The following GANC variants were observed in gnomAD, a reference collection of about 807,000 sequenced individuals.
GANC encodes neutral alpha-glucosidase C.
GANC carries 117 observed loss-of-function variants against 124.2 expected under a neutral mutation model. That is an observed-to-expected ratio of 0.94 (90% CI 0.81 to 1.10). GANC has a LOEUF of 1.10. Ranked by LOEUF, GANC falls within the 50% of genes least tolerant of loss-of-function variation. The probability of loss-of-function intolerance (pLI) is 0.00; values close to 1 mark genes in which losing one functional copy is unlikely to be tolerated. For synonymous variants in GANC, 377 were observed against 376.8 expected, an observed-to-expected ratio of 1.00 and a Z score of -0.01; for missense variants, 1,140 against 1,095.0, an observed-to-expected ratio of 1.04 and a Z score of -0.58.
chr15:42,312,690 G>C (rs994038274), intron 10 of GANC, among the ~76,000 whole-genome samples: 2 of 152,160 alleles, frequency 1.3e-5, no homozygotes, highest in Non-Finnish European at 2.9e-5. Flanking sequence ...CTGTAATCCT[G>C]CACTTTGGGA....
intron 2 of GANC, chr15:42,278,042 G>T: frequency 2.5e-6 from 1 of 398,138 alleles, no homozygotes; most frequent in South Asian, 1.8e-5. Context: ...AGCGTATTAT[G>T]TTAATTCTGA....
At chr15:42,297,800 G>T in intron 6 of GANC, 144 bp downstream of exon 6, 2 of 477,150 alleles carry the variant, frequency 4.2e-6, no homozygotes, top group South Asian at 4.6e-5. Flanking sequence ...TGTTTCTTCG[G>T]CTCACCTTGT....
chr15:42,349,399 A>G lies in GANC; in HGVS notation c.2435A>G (p.Glu812Gly), dbSNP rs778471567. ...ALSTKGSSVGELYLDDGHSFQ... is the reference protein window; with the variant it reads ...ALSTKGSSVGGLYLDDGHSFQ... ...ATTCTCCAGGGTTCTTCAGTGGGTG[A>G]GTTATATCTTGATGATGGCCATTCA... The change falls in exon 22 of 24, where the codon GAG (glutamate) becomes GGG (glycine). Residue 812 changes from glutamate to glycine, a missense_variant. Glu to Gly is a moderately conservative substitution (Grantham distance 98). Transcript: ENST00000318010. The G allele has an allele frequency of 6.2e-7, 1 of 1,609,786 alleles. No homozygotes were observed. The highest frequency in any genetic ancestry group is 8.5e-7 in the Non-Finnish European group (1 of 1,176,152).
intron 6 of GANC, among the ~76,000 whole-genome samples, chr15:42,301,466 T>C (rs557008464): frequency 2.5e-4 from 38 of 151,776 alleles, no homozygotes; most frequent in African/African-American, 8.5e-4. Context: ...TTTTTTTTTT[T>C]CATACCCCAG....
At chr15:42,322,927 G>C (rs1386861004) in intron 11 of GANC, among the ~76,000 whole-genome samples, 1 of 152,148 alleles carries the variant, frequency 6.6e-6, no homozygotes, top group African/African-American at 2.4e-5. Flanking sequence ...CCCTCTCCTT[G>C]AAAGTAAGGT....
intron 8 of GANC, among the ~76,000 whole-genome samples, chr15:42,308,624 C>T (rs968877825): frequency 2.6e-5 from 4 of 152,154 alleles, no homozygotes; most frequent in Non-Finnish European, 4.4e-5. Flanking sequence ...GCTGAGACTA[C>T]AGGCACCTGT....
intron 13 of GANC, 99 bp from the exon 14 acceptor site, chr15:42,329,207 A>G (rs1164268982): frequency 3.3e-6 from 4 of 1,208,322 alleles, no homozygotes; most frequent in African/African-American, 3.0e-5. Context: ...GACAGAGCAT[A>G]GATAATAAAC....
intron 13 of GANC, among the ~76,000 whole-genome samples, chr15:42,328,914 G>C (rs1390596646): frequency 6.6e-6 from 1 of 152,170 alleles, no homozygotes; most frequent in African/African-American, 2.4e-5. Flanking sequence ...AGCTATAGTT[G>C]CCCTTAGTTA....
intron 7 of GANC, among the ~76,000 whole-genome samples, chr15:42,307,052 C>G (rs2052003852): frequency 6.6e-6 from 1 of 152,174 alleles, no homozygotes; most frequent in African/African-American, 2.4e-5. Flanking sequence ...TGTCACATTT[C>G]TCACCAGGCT....
At chr15:42,303,926 G>C (rs1028835021) in intron 6 of GANC, among the ~76,000 whole-genome samples, 5 of 152,112 alleles carry the variant, frequency 3.3e-5, no homozygotes, top group African/African-American at 1.2e-4. Context: ...ACACCCCATT[G>C]TCAATATTAG....
At chr15:42,329,573 A>G in intron 14 of GANC, 124 bp downstream of exon 14, 1 of 996,762 alleles carries the variant, frequency 1.0e-6, no homozygotes. Flanking sequence ...TTTTCTGACA[A>G]CTGCAATGAG....
intron 6 of GANC, among the ~76,000 whole-genome samples, chr15:42,301,048 A>C (rs4923943): frequency 0.72 from 108,470 of 150,540 alleles, 41,861 homozygotes; most frequent in Non-Finnish European, 0.87. Flanking sequence ...AAGAAAGAAA[A>C]TGTGGTATGC....
chr15:42,333,606 T>A (rs116836065), intron 15 of GANC, among the ~76,000 whole-genome samples: 1 of 152,184 alleles, frequency 6.6e-6, no homozygotes, highest in Non-Finnish European at 1.5e-5. Flanking sequence ...CTCTACCACT[T>A]AATAACTGTG....
In GANC at chr15:42,321,850, G is replaced by A. The variant is rs2052160405; in HGVS notation, c.1123G>A (p.Glu375Lys). The change falls in exon 11 of 24, where the codon GAG becomes AAG. Residue 375 changes from glutamate (E) to lysine (K), a missense_variant. Coordinates refer to ENST00000318010, the MANE Select transcript of GANC (RefSeq NM_198141.3). The stretch of plus-strand genomic sequence containing the variant: ...CCAGTGCCGCTGGAACTATGAAGAT[G>A]AGCAGGATGTAAAAGCAGTGGATGC... ...YHQCRWNYED[E>K]QDVKAVDAGF... 6.2e-7 allele frequency: 1 copy of A among 1,614,086 alleles called. No homozygotes were observed. The highest frequency in any genetic ancestry group is 8.5e-7 in the Non-Finnish European group (1 of 1,180,046).
At chr15:42,348,609 T>C (rs4344713) in intron 21 of GANC, among the ~76,000 whole-genome samples, 13,084 of 152,242 alleles carry the variant, frequency 0.086, 649 homozygotes, top group South Asian at 0.18. Context: ...TGATTTCTTA[T>C]CAGGTAGCTC....
At chr15:42,295,500 A>G (rs1455424386) in intron 5 of GANC, among the ~76,000 whole-genome samples, 1 of 152,144 alleles carries the variant, frequency 6.6e-6, no homozygotes, top group Admixed American at 6.5e-5. Flanking sequence ...GAAAATATAA[A>G]ACAATATTTC....
In GANC at chr15:42,330,683, G is replaced by T. The variant is rs149431644; in HGVS notation, c.1741+11G>T. ...GATCACAAAAGTATGGTAAGGAATGGCTCATATCAGACTTAAAAACACATT... is the reference window on the plus strand; with the variant it reads ...GATCACAAAAGTATGGTAAGGAATGTCTCATATCAGACTTAAAAACACATT... On this transcript the variant is annotated intron_variant, in intron 15 of 23. Coordinates refer to ENST00000318010, the MANE Select transcript of GANC (RefSeq NM_198141.3). The T allele has an allele frequency of 9.0e-5, 142 of 1,580,714 alleles. 1 individual carries two copies. The East Asian group carries it at 3.2e-3, about 36-fold the overall frequency.
intron 14 of GANC, 36 bp from the exon 15 acceptor site, chr15:42,330,540 T>G (rs1337512862): frequency 2.2e-5 from 32 of 1,485,626 alleles, no homozygotes; most frequent in Non-Finnish European, 3.0e-5. Flanking sequence ...ACAAATCCAA[T>G]CATCTCTTTG....
intron 7 of GANC, 69 bp downstream of exon 7, chr15:42,306,681 GC>G (rs1321519969): frequency 9.0e-6 from 10 of 1,110,150 alleles, no homozygotes; most frequent in Non-Finnish European, 1.3e-6. Flanking sequence ...CTATCAAAAA[GC>G]CCCTTGATCT....
Sources: allele counts gnomAD v4.1 joint callset (sites outside exome capture counted in the v4.1 genomes callset), GRCh38; gene constraint gnomAD v4.1.1; transcripts MANE v1.5; gene names NCBI Gene and HGNC (gene_info 2026-07-23, HGNC 2026-07-21).